DENND1B: variants seen among roughly 807,000 people sequenced by gnomAD.
DENND1B encodes the protein DENN domain-containing protein 1B.
In DENND1B, 59 loss-of-function variants were observed where a neutral mutation model predicts 90.1. The observed-to-expected ratio is 0.65, with a 90% CI of 0.53 to 0.81. The LOEUF is 0.81. DENND1B is among the 40% of genes least tolerant of loss of function. DENND1B has a pLI of 0.00. For missense variants in DENND1B, 862 were observed against 912.6 expected, an observed-to-expected ratio of 0.94 and a Z score of 0.71; for synonymous variants, 337 against 324.6, an observed-to-expected ratio of 1.04 and a Z score of -0.41.
At chr1:197,649,386 C>A (rs1458151692) in intron 7 of DENND1B, among the ~76,000 whole-genome samples, 2 of 152,110 alleles carry the variant, frequency 1.3e-5, no homozygotes, top group African/African-American at 4.8e-5. Context: ...AGACTAAGAA[C>A]TCTTTGAAGT....
In DENND1B at chr1:197,766,429, T is replaced by C. The variant is rs1655708984; in HGVS notation, c.82+6439A>G. ...ATGCAATACCTCCTAAACTACTTTA[T>C]TATCTGTATGATTCCTCAAGGTTCT... On this transcript the variant is annotated intron_variant, in intron 2 of 22. Transcript: ENST00000620048. Among the ~76,000 whole-genome samples, 2 of 152,260 alleles carry C rather than the reference T, an allele frequency of 1.3e-5. 1 individual carries two copies. The highest frequency in any genetic ancestry group is 4.1e-4 in the South Asian group (2 of 4,832).
At chr1:197,635,846 C>T (rs1471446911) in intron 10 of DENND1B, among the ~76,000 whole-genome samples, 2 of 151,938 alleles carry the variant, frequency 1.3e-5, no homozygotes, top group Non-Finnish European at 2.9e-5. Flanking sequence ...ATTTAAAACA[C>T]ATATGAGGAA....
chr1:197,510,344 T>G lies in DENND1B; in HGVS notation c.*116A>C, dbSNP rs1244215706. ...CGAAATGAACAAGTGAGAAAAATGT[T>G]GCAAATGCAAAAAAAAATTTAAATA... On this transcript the variant is annotated 3_prime_UTR_variant, in exon 23 of 23. Transcript: ENST00000620048. 2 of 1,177,036 alleles carry G rather than the reference T, an allele frequency of 1.7e-6. No individual in the cohort carries two copies. The highest frequency in any genetic ancestry group is 1.2e-6 in the Non-Finnish European group (1 of 863,366). 72.9% of individuals were successfully genotyped at this position (1,177,036 alleles called of 1,614,324 possible).
intron 3 of DENND1B, among the ~76,000 whole-genome samples, chr1:197,681,947 A>G (rs914356664): frequency 6.6e-6 from 1 of 152,000 alleles, no homozygotes; most frequent in Non-Finnish European, 1.5e-5. Flanking sequence ...ATTATAATTA[A>G]CCTTGGTTTT....
chr1:197,745,335 A>C (rs1663610409), intron 2 of DENND1B, among the ~76,000 whole-genome samples: 1 of 152,112 alleles, frequency 6.6e-6, no homozygotes, highest in Non-Finnish European at 1.5e-5. Flanking sequence ...TTATATTTCA[A>C]GTGAAATACA....
At chr1:197,723,511 C>T (rs1571505528) in intron 2 of DENND1B, among the ~76,000 whole-genome samples, 2 of 152,118 alleles carry the variant, frequency 1.3e-5, no homozygotes, top group Non-Finnish European at 1.5e-5. Flanking sequence ...ATTAATCTAT[C>T]GCAAGGAACT....
intron 5 of DENND1B, among the ~76,000 whole-genome samples, chr1:197,661,048 T>C (rs1002833978): frequency 2.6e-5 from 4 of 151,962 alleles, no homozygotes; most frequent in African/African-American, 9.7e-5. Context: ...CAACTTTGCC[T>C]GGAAGCCTGG....
intron 15 of DENND1B, among the ~76,000 whole-genome samples, chr1:197,564,935 T>A (rs1431233500): frequency 1.3e-5 from 2 of 152,058 alleles, no homozygotes; most frequent in African/African-American, 4.8e-5. Context: ...TTTATCCTGA[T>A]AAACTGTCTC....
At chr1:197,547,104 A>G (rs1272677534) in intron 16 of DENND1B, among the ~76,000 whole-genome samples, 6 of 152,124 alleles carry the variant, frequency 3.9e-5, no homozygotes, top group Admixed American at 2.6e-4. Flanking sequence ...AAGTCACAAT[A>G]AAAAAACAAA....
intron 2 of DENND1B, among the ~76,000 whole-genome samples, chr1:197,754,976 C>G (rs1654090694): frequency 6.6e-6 from 1 of 152,172 alleles, no homozygotes; most frequent in African/African-American, 2.4e-5. Flanking sequence ...CATTTACACT[C>G]ATATACATAC....
chr1:197,526,439 GA>G (rs916103681), intron 20 of DENND1B, among the ~76,000 whole-genome samples: 4 of 151,316 alleles, frequency 2.6e-5, no homozygotes, highest in African/African-American at 7.3e-5. Context: ...AGGCAACAGG[GA>G]AAAAAAACAA....
chr1:197,523,023 G>C (rs958788764), intron 20 of DENND1B, among the ~76,000 whole-genome samples: 3 of 152,072 alleles, frequency 2.0e-5, no homozygotes, highest in African/African-American at 4.8e-5. Context: ...ATTTCCAATT[G>C]AGGTAACTCT....
At chr1:197,617,618 T>C (rs903155409) in intron 11 of DENND1B, 41 bp downstream of exon 11, 12 of 1,435,912 alleles carry the variant, frequency 8.4e-6, no homozygotes, top group East Asian at 2.3e-5. Flanking sequence ...AATCTAATCA[T>C]GAAACCTAAA....
chr1:197,750,821 GAA>G (rs1249997853), intron 2 of DENND1B, among the ~76,000 whole-genome samples: 1 of 152,060 alleles, frequency 6.6e-6, no homozygotes, highest in Non-Finnish European at 1.5e-5. Context: ...CTCTGTCAGA[GAA>G]AAAGAGACAG....
At chr1:197,512,818 ACTT>A in intron 21 of DENND1B, 50 bp downstream of exon 21, 2 of 1,542,636 alleles carry the variant, frequency 1.3e-6, no homozygotes, top group African/African-American at 1.4e-5. Flanking sequence ...ATCACCAAAA[ACTT>A]CTGCTGTTAA....
rs555676403 is a variant in DENND1B at position 197,714,006 on chromosome 1, T to G, written c.126+1025A>C. The stretch of plus-strand genomic sequence containing the variant: ...ATAATTATATATCTTTTTTTTTTTT[T>G]TGGGACGGAGTCTCACATTGGTTGC... On this transcript the variant is annotated intron_variant, in intron 3 of 22. Transcript: ENST00000620048. 4.6e-3 allele frequency among the ~76,000 whole-genome samples: 191 copies of G among 41,378 alleles called. 1 individual carries two copies. Among genetic ancestry groups the G allele is most frequent in the East Asian group, 0.013 (23 of 1,716 alleles). The allele number at this position is 41,378 out of a possible 152,430, so 27.1% of individuals were successfully genotyped here. A position where few individuals can be genotyped will look rare whatever the true frequency, so the allele number is the denominator to read the frequency against.
intron 13 of DENND1B, among the ~76,000 whole-genome samples, chr1:197,604,297 G>A (rs527402365): frequency 5.3e-5 from 8 of 150,928 alleles, no homozygotes; most frequent in Non-Finnish European, 1.2e-4. Context: ...CTCCCTTAAC[G>A]AAAACAAAGG....
intron 2 of DENND1B, chr1:197,746,745 C>G: frequency 8.4e-7 from 1 of 1,187,804 alleles, no homozygotes; most frequent in Non-Finnish European, 1.3e-6. Context: ...AGCACTCTGG[C>G]AAGTTATGCA....
chr1:197,614,031 C>CTTT (rs34399290), intron 11 of DENND1B, among the ~76,000 whole-genome samples: 2 of 137,086 alleles, frequency 1.5e-5, no homozygotes, highest in East Asian at 2.1e-4. Context: ...TCTAGGAAAA[C>CTTT]TTTTTTTTTT....
Sources: gnomAD v4.1 joint callset for allele counts (sites outside exome capture counted in the v4.1 genomes callset) on GRCh38, gnomAD v4.1.1 for gene constraint, MANE v1.5 for transcripts, NCBI Gene and HGNC (gene_info 2026-07-23, HGNC 2026-07-21) for gene names.